The following BTBD2 variants were observed in gnomAD, a reference collection of about 807,000 sequenced individuals.
BTBD2 encodes the protein BTB/POZ domain-containing protein 2.
A neutral mutation model predicts 44.0 loss-of-function variants in BTBD2; 15 were observed. The observed-to-expected ratio is 0.34, with a 90% CI of 0.23 to 0.53. BTBD2 has a LOEUF of 0.53. Ranked by LOEUF, BTBD2 falls within the 20% of genes least tolerant of loss-of-function variation. The pLI, the probability that BTBD2 is intolerant of heterozygous loss-of-function variation, is 0.95. For missense variants in BTBD2, 657 were observed against 746.4 expected (o/e 0.88, Z 1.39); for synonymous variants, 443 against 335.9 (o/e 1.32, Z -3.49).
chr19:2,015,184 G>A, intron 1 of BTBD2, 113 bp downstream of exon 1: 1 of 1,379,960 alleles, frequency 7.2e-7, no homozygotes, highest in Non-Finnish European at 9.4e-7. Context: ...CAGGGCTCGG[G>A]GATGGAGGGG....
chr19:2,005,911 G>A (rs1472317811), intron 1 of BTBD2, among the ~76,000 whole-genome samples: 1 of 151,860 alleles, frequency 6.6e-6, no homozygotes, highest in Non-Finnish European at 1.5e-5. Context: ...CAACACAGCA[G>A]ACCCCATCTC....
At chr19:1,997,679 G>C (rs571353748) in intron 1 of BTBD2, among the ~76,000 whole-genome samples, 53 of 152,348 alleles carry the variant, frequency 3.5e-4, no homozygotes, top group African/African-American at 1.2e-3. Context: ...GGCAGGGCTA[G>C]GACCATGCCC....
intron 1 of BTBD2, among the ~76,000 whole-genome samples, chr19:2,011,000 G>A (rs57687454): frequency 0.21 from 31,888 of 151,986 alleles, 3,771 homozygotes; most frequent in African/African-American, 0.3. Context: ...CATCGGGTCC[G>A]TTTGTTCCCA....
intron 1 of BTBD2, among the ~76,000 whole-genome samples, chr19:2,006,662 C>G (rs1414317481): frequency 6.6e-6 from 1 of 152,042 alleles, no homozygotes; most frequent in African/African-American, 2.4e-5. Context: ...TAGAGTGAAT[C>G]TGGCCCACCA....
chr19:2,000,475 G>A (rs1046632598), intron 1 of BTBD2, among the ~76,000 whole-genome samples: 1 of 152,234 alleles, frequency 6.6e-6, no homozygotes, highest in Non-Finnish European at 1.5e-5. Context: ...GGCCGTCCAT[G>A]CAGTTTGGAA....
intron 1 of BTBD2, chr19:2,002,981 C>T (rs2016349634): frequency 6.6e-6 from 1 of 152,012 alleles, no homozygotes; most frequent in Non-Finnish European, 1.5e-5. Context: ...GCCAGAACTC[C>T]TATGAGGAGT....
intron 1 of BTBD2, among the ~76,000 whole-genome samples, chr19:2,010,337 C>T (rs569046835): frequency 8.5e-5 from 13 of 152,314 alleles, no homozygotes; most frequent in South Asian, 4.1e-4. Flanking sequence ...GGCTCCAGCG[C>T]GCTGAGATGG....
chr19:1,994,435 G>C lies in BTBD2; in HGVS notation c.528-1259C>G, dbSNP rs189179382. On this transcript the variant is annotated intron_variant, in intron 2 of 8. Transcript: ENST00000255608. ...GCCTGAGACCAGGAGTTGGAAACCA[G>C]TGTGGGCATGGTGAGATCCTGTCTC... is the stretch of plus-strand genomic sequence containing the variant. 3.2e-3 allele frequency among the ~76,000 whole-genome samples: 483 copies of C among 152,120 alleles called. 1 individual carries two copies. The highest frequency in any genetic ancestry group is 6.4e-3 in the Admixed American group (98 of 15,250).
intron 5 of BTBD2, chr19:1,989,549 C>CAT (rs10668719): frequency 0.53 from 111,319 of 210,644 alleles, 33,633 homozygotes; most frequent in African/African-American, 0.86. Flanking sequence ...TGAGCAGCCA[C>CAT]GAGGGCAGGA....
intron 2 of BTBD2, among the ~76,000 whole-genome samples, chr19:1,993,960 G>A (rs2016216581): frequency 8.6e-6 from 1 of 116,444 alleles, no homozygotes; most frequent in Admixed American, 1.2e-4. Flanking sequence ...TCTCGCCACT[G>A]CACTCCAGCC....
intron 5 of BTBD2, 126 bp downstream of exon 5, chr19:1,989,878 A>C (rs1319647907): frequency 2.7e-6 from 3 of 1,102,302 alleles, no homozygotes; most frequent in Non-Finnish European, 2.6e-6. Flanking sequence ...GTTTCTTCCT[A>C]TCTGTATATG....
intron 1 of BTBD2, among the ~76,000 whole-genome samples, chr19:2,012,602 T>A (rs1403332853): frequency 6.6e-6 from 1 of 152,150 alleles, no homozygotes; most frequent in African/African-American, 2.4e-5. Flanking sequence ...TGTACTTGGA[T>A]TTGAGCTGAG....
At chr19:1,987,439 C>T (rs545005311) in intron 6 of BTBD2, 61 bp downstream of exon 6, 584 of 1,326,886 alleles carry the variant, frequency 4.4e-4, no homozygotes, top group African/African-American at 2.0e-3. Context: ...CCCCCATCTC[C>T]GTCATCCCCG....
intron 4 of BTBD2, chr19:1,990,421 A>G: frequency 1.6e-6 from 1 of 628,530 alleles, no homozygotes; most frequent in Non-Finnish European, 2.8e-6. Context: ...AGCCACAAGG[A>G]CAGACTTGAG....
chr19:1,992,863 C>T (rs1204652796), intron 3 of BTBD2, among the ~76,000 whole-genome samples, 157 bp downstream of exon 3: 1 of 152,192 alleles, frequency 6.6e-6, no homozygotes, highest in East Asian at 1.9e-4. Flanking sequence ...TGAGCAACCA[C>T]GCCCGGCCCA....
In BTBD2 at chr19:1,986,408, TG is replaced by T. The variant is rs1050798544; in HGVS notation, c.*79del. 377 of 1,561,710 alleles carry T rather than the reference TG, an allele frequency of 2.4e-4. 1 individual carries two copies. The highest frequency in any genetic ancestry group is 3.0e-4 in the Non-Finnish European group (340 of 1,142,032). ...GGACACTGGGCCTGGCACCGCGTGG[TG>T]GGGGGGCCCCAGCAGCAGATGATGG... is the stretch of plus-strand genomic sequence containing the variant. On this transcript the variant is annotated 3_prime_UTR_variant, in exon 9 of 9. Transcript: ENST00000255608.
In BTBD2 at chr19:1,987,258, C is replaced by T. The variant is rs368200817; in HGVS notation, c.1182-5G>A. The T allele has an allele frequency of 1.5e-5, 24 of 1,613,526 alleles. No individual in the cohort carries two copies. Among genetic ancestry groups the T allele is most frequent in the South Asian group, 1.1e-5 (1 of 91,078 alleles). On this transcript the variant is annotated splice_polypyrimidine_tract_variant and splice_region_variant and intron_variant, in intron 6 of 8. Coordinates refer to ENST00000255608, the MANE Select transcript of BTBD2 (RefSeq NM_017797.4). ...ATGCGCTTGTTGACTGAGAACCTGC[C>T]GTGGCAGATGACAGGCAGCAGCGTG...
In BTBD2 at chr19:1,989,720, C is replaced by T. The variant is rs991127083; in HGVS notation, c.988+284G>A. The stretch of plus-strand genomic sequence containing the variant: ...CCTGCACCAGCAGGTAGCACAAGGG[C>T]GCGAGACGGGGACTCCCTTCCCTCC... On this transcript the variant is annotated intron_variant, in intron 5 of 8. Coordinates refer to ENST00000255608, the MANE Select transcript of BTBD2 (RefSeq NM_017797.4). 3.0e-5 allele frequency: 14 copies of T among 470,464 alleles called. No homozygotes were observed. In the East Asian group the frequency reaches 4.4e-4, roughly 15 times the overall value. 29.1% of individuals were successfully genotyped at this position (470,464 alleles called of 1,614,324 possible). A position where few individuals can be genotyped will look rare whatever the true frequency, so the allele number is the denominator to read the frequency against.
chr19:2,013,168 G>C (rs995878564), intron 1 of BTBD2, among the ~76,000 whole-genome samples: 2 of 152,152 alleles, frequency 1.3e-5, no homozygotes, highest in African/African-American at 4.8e-5. Flanking sequence ...AAACACCCAG[G>C]AAGAAGCCAG....
Sources: allele counts gnomAD v4.1 joint callset (sites outside exome capture counted in the v4.1 genomes callset), GRCh38; gene constraint gnomAD v4.1.1; transcripts MANE v1.5; gene names NCBI Gene and HGNC (gene_info 2026-07-23, HGNC 2026-07-21).